The following PITPNA variants were observed in gnomAD, a reference collection of about 807,000 sequenced individuals.
PITPNA encodes phosphatidylinositol transfer protein alpha.
In PITPNA, 13 loss-of-function variants were observed where a neutral mutation model predicts 50.3. The ratio of observed to expected loss-of-function variants is 0.26; its 90% confidence interval spans 0.17 to 0.41. The LOEUF (loss-of-function observed/expected upper bound fraction) is 0.41, where lower values mean the gene tolerates loss of function less well. Ranked by LOEUF, PITPNA falls within the 10% of genes least tolerant of loss-of-function variation. The pLI is 1.00. For synonymous variants in PITPNA, 120 were observed against 119.6 expected (o/e 1.00, Z -0.02); for missense variants, 207 against 333.4 (o/e 0.62, Z 2.95).
intron 2 of PITPNA, 134 bp downstream of exon 2, chr17:1,558,395 G>T: frequency 1.5e-6 from 1 of 664,032 alleles, no homozygotes; most frequent in South Asian, 1.8e-5. Flanking sequence ...GTGGCACCAC[G>T]AAATTCACAT....
chr17:1,522,292 C>T (rs1038828946), intron 10 of PITPNA, among the ~76,000 whole-genome samples: 3 of 149,796 alleles, frequency 2.0e-5, no homozygotes, highest in Admixed American at 6.6e-5. Context: ...AGGATGGTCT[C>T]GATCTCCTGA....
intron 1 of PITPNA, among the ~76,000 whole-genome samples, chr17:1,558,998 T>C (rs1357570449): frequency 6.6e-6 from 1 of 152,054 alleles, no homozygotes; most frequent in East Asian, 1.9e-4. Flanking sequence ...CCAGTGAGTC[T>C]AGTAAGACAG....
At position 1,518,237 on chromosome 17, in the gene PITPNA, T is replaced by G. The variant is rs541732791; in HGVS notation, c.*2324A>C. The G allele has an allele frequency of 6.6e-6, 1 of 152,522 alleles. No homozygotes were observed. Among genetic ancestry groups the G allele is most frequent in the South Asian group, 2.1e-4 (1 of 4,820 alleles). The allele number at this position is 152,522 out of a possible 1,614,324, so 9.4% of individuals were successfully genotyped here. A position where few individuals can be genotyped will look rare whatever the true frequency, so the allele number is the denominator to read the frequency against. On this transcript the variant is annotated 3_prime_UTR_variant, in exon 12 of 12. Transcript: ENST00000313486. ...TGACCCTGTCCCGGACCTCTCTGCA[T>G]GAGAAGGCCAGAGCCCAGCACCCCT...
At position 1,543,045 on chromosome 17, in the gene PITPNA, C is replaced by T. The variant is rs1320552765; in HGVS notation, c.290-18G>A. 1.9e-6 allele frequency: 3 copies of T among 1,576,464 alleles called. No homozygotes were observed. The highest frequency in any genetic ancestry group is 1.7e-4 in the Middle Eastern group (1 of 6,024). Reference sequence around the variant, plus strand: ...TGTAATAACTGCTCCGAGGCAAGGACATGGAAAGAAGAGAGAAAAAGATTA... The same window carrying T: ...TGTAATAACTGCTCCGAGGCAAGGATATGGAAAGAAGAGAGAAAAAGATTA... On this transcript the variant is annotated intron_variant, in intron 4 of 11. Coordinates refer to ENST00000313486, the MANE Select transcript of PITPNA (RefSeq NM_006224.4).
In PITPNA at chr17:1,553,017, A is replaced by AG; in HGVS notation, c.183dup (p.Tyr62LeufsTer40). The AG allele has an allele frequency of 6.2e-7, 1 of 1,613,944 alleles. No individual in the cohort carries two copies. Among genetic ancestry groups the AG allele is most frequent in the Non-Finnish European group, 8.5e-7 (1 of 1,179,862 alleles). ...CATGCCGCATACCTCTGCAGGTGGT[A>AG]GATCTTGTGTGTGTACTGGCCTTTC... On this transcript the variant is annotated frameshift_variant, in exon 3 of 12. Coordinates refer to ENST00000313486, the MANE Select transcript of PITPNA (RefSeq NM_006224.4). LOFTEE classifies it high-confidence loss of function.
chr17:1,540,097 T>C (rs1477978629), intron 6 of PITPNA, among the ~76,000 whole-genome samples: 1 of 152,206 alleles, frequency 6.6e-6, no homozygotes, highest in African/African-American at 2.4e-5. Flanking sequence ...TTCCGGATGT[T>C]TACGGTGCCC....
chr17:1,547,956 T>C (rs778973058), intron 4 of PITPNA, among the ~76,000 whole-genome samples: 53 of 152,198 alleles, frequency 3.5e-4, no homozygotes, highest in Non-Finnish European at 6.6e-4. Context: ...ATCACGCCAC[T>C]GTGCTCCAGT....
intron 6 of PITPNA, among the ~76,000 whole-genome samples, chr17:1,541,336 C>T (rs1360619643): frequency 6.6e-6 from 1 of 152,112 alleles, no homozygotes; most frequent in African/African-American, 2.4e-5. Flanking sequence ...GTACCAGGAA[C>T]TGCACCAATC....
intron 2 of PITPNA, among the ~76,000 whole-genome samples, chr17:1,558,100 A>G (rs9912135): frequency 0.12 from 18,471 of 151,994 alleles, 1,841 homozygotes; most frequent in African/African-American, 0.28. Flanking sequence ...GTGTGGTGGC[A>G]CACACCTGTA....
At chr17:1,542,440 C>G (rs896533917) in intron 5 of PITPNA, among the ~76,000 whole-genome samples, 1 of 152,204 alleles carries the variant, frequency 6.6e-6, no homozygotes, top group African/African-American at 2.4e-5. Context: ...TTGCCTCCCT[C>G]CCTCCCTTCC....
chr17:1,541,508 G>C, intron 6 of PITPNA, 58 bp downstream of exon 6: 1 of 1,232,774 alleles, frequency 8.1e-7, no homozygotes, highest in Non-Finnish European at 1.2e-6. Flanking sequence ...GCCCTGGAGA[G>C]GCTACAAGGC....
chr17:1,522,957 G>A (rs772297721), intron 10 of PITPNA, among the ~76,000 whole-genome samples: 21 of 152,170 alleles, frequency 1.4e-4, no homozygotes, highest in Non-Finnish European at 2.6e-4. Context: ...AGGAGTTCCC[G>A]GCAGAGTAAC....
At chr17:1,531,994 A>C (rs2075585797) in intron 10 of PITPNA, among the ~76,000 whole-genome samples, 1 of 152,192 alleles carries the variant, frequency 6.6e-6, no homozygotes, top group African/African-American at 2.4e-5. Context: ...TCTAATTCCA[A>C]AGAGAGTTTC....
rs1249652954 is a variant in PITPNA, at chr17:1,519,942, T to C, written c.*619A>G. On this transcript the variant is annotated 3_prime_UTR_variant, in exon 12 of 12. Coordinates refer to ENST00000313486, the MANE Select transcript of PITPNA (RefSeq NM_006224.4). ...CTCGTATTTGTTAAATTTTCTTAAA[T>C]AGAGACTGGCTGAGCCTTGGGTACC... 6.6e-6 allele frequency: 1 copy of C among 152,102 alleles called. No homozygotes were observed. The highest frequency in any genetic ancestry group is 2.4e-5 in the African/African-American group (1 of 41,434). 9.4% of individuals were successfully genotyped at this position (152,102 alleles called of 1,614,324 possible).
chr17:1,537,246 G>A (rs1329258643), intron 7 of PITPNA, among the ~76,000 whole-genome samples: 1 of 151,900 alleles, frequency 6.6e-6, no homozygotes, highest in Non-Finnish European at 1.5e-5. Context: ...TGTATTTTTA[G>A]TAGAGACAGG....
intron 10 of PITPNA, among the ~76,000 whole-genome samples, chr17:1,526,947 G>A (rs2075551600): frequency 6.6e-6 from 1 of 151,988 alleles, no homozygotes; most frequent in Non-Finnish European, 1.5e-5. Context: ...TTTAGTAGAT[G>A]GGGTTTCACC....
intron 4 of PITPNA, among the ~76,000 whole-genome samples, chr17:1,544,757 G>T (rs2075664638): frequency 6.6e-6 from 1 of 152,210 alleles, no homozygotes; most frequent in East Asian, 1.9e-4. Context: ...GGCCAACATG[G>T]TGAAACCTCG....
chr17:1,535,286 G>A lies in PITPNA; in HGVS notation c.541C>T (p.Leu181Phe), dbSNP rs2151006045. 6.2e-7 allele frequency: 1 copy of A among 1,611,016 alleles called. No individual in the cohort carries two copies. Among genetic ancestry groups the A allele is most frequent in the East Asian group, 2.2e-5 (1 of 44,878 alleles). ...TATGGGCAGTCCTTCTGGTTTACAA[G>A]CTCTTGCTGCATTAGAAACATACCC... The part of the protein sequence containing the change: ...GPLGPNWKQE[L>F]VNQKDCPYMC... Residue 181 changes from leucine to phenylalanine, a missense_variant, in exon 9 of 12, where the codon CTT (leucine) becomes TTT (phenylalanine). Transcript: ENST00000313486.
intron 3 of PITPNA, among the ~76,000 whole-genome samples, chr17:1,552,362 C>G (rs1163083262): frequency 6.6e-6 from 1 of 152,220 alleles, no homozygotes; most frequent in South Asian, 2.1e-4. Context: ...ACCATCAACG[C>G]CCTTTGGGTC....
Sources: gnomAD v4.1 joint callset for allele counts (sites outside exome capture counted in the v4.1 genomes callset) on GRCh38, gnomAD v4.1.1 for gene constraint, MANE v1.5 for transcripts, NCBI Gene and HGNC (gene_info 2026-07-23, HGNC 2026-07-21) for gene names.